Variants in MGLL observed in about 807,000 individuals in gnomAD.
MGLL encodes the protein lysophospholipase homolog.
Under a neutral mutation model 29.1 loss-of-function variants are expected in MGLL, and 7 were observed. The ratio of observed to expected loss-of-function variants is 0.24; its 90% CI spans 0.14 to 0.45. The LOEUF (loss-of-function observed/expected upper bound fraction) is 0.45. Ranked by LOEUF, MGLL falls within the 20% of genes least tolerant of loss-of-function variation. MGLL has a pLI of 0.99. For synonymous variants in MGLL, 148 were observed against 168.3 expected (o/e 0.88, Z 0.93); for missense variants, 356 against 413.6 (o/e 0.86, Z 1.21).
chr3:127,798,936 G>A (rs1319381142), intron 2 of MGLL, among the ~76,000 whole-genome samples: 2 of 152,164 alleles, frequency 1.3e-5, no homozygotes, highest in African/African-American at 4.8e-5. Context: ...GGAAGCTGAG[G>A]GCAGAGCAGG....
intron 3 of MGLL, among the ~76,000 whole-genome samples, chr3:127,779,163 C>T (rs1438584475): frequency 1.3e-5 from 2 of 148,698 alleles, no homozygotes; most frequent in Admixed American, 6.8e-5. Flanking sequence ...GTCAGGAGTT[C>T]GAGACCAGCC....
chr3:127,721,263 G>T, intron 4 of MGLL, 100 bp from the exon 5 acceptor site: 3 of 1,014,730 alleles, frequency 3.0e-6, no homozygotes, highest in Non-Finnish European at 4.6e-6. Context: ...TGCAGTCCTG[G>T]CCAAGAGCCC....
chr3:127,749,807 G>A (rs112378640), intron 3 of MGLL, among the ~76,000 whole-genome samples: 2 of 152,160 alleles, frequency 1.3e-5, no homozygotes, highest in Admixed American at 6.5e-5. Context: ...ATGCGAGGGG[G>A]TTTACTGTTT....
intron 2 of MGLL, among the ~76,000 whole-genome samples, chr3:127,790,006 C>T (rs949030426): frequency 6.6e-6 from 1 of 152,150 alleles, no homozygotes; most frequent in Non-Finnish European, 1.5e-5. Context: ...CTTGGTTACG[C>T]CAAGGTGGGT....
intron 5 of MGLL, among the ~76,000 whole-genome samples, chr3:127,718,108 G>A (rs1046935116): frequency 1.4e-4 from 21 of 151,872 alleles, no homozygotes; most frequent in African/African-American, 4.8e-4. Context: ...GAACCAGATG[G>A]TGGCGAGATT....
intron 3 of MGLL, among the ~76,000 whole-genome samples, chr3:127,762,948 C>G (rs1424193057): frequency 6.6e-6 from 1 of 152,152 alleles, no homozygotes; most frequent in Non-Finnish European, 1.5e-5. Context: ...GGGACTGGAA[C>G]CCAGTGTCAC....
At chr3:127,779,131 C>T (rs2077082994) in intron 3 of MGLL, among the ~76,000 whole-genome samples, 1 of 144,588 alleles carries the variant, frequency 6.9e-6, no homozygotes, top group Non-Finnish European at 1.6e-5. Flanking sequence ...TTTGGGAGGC[C>T]GAGGAGAGTG....
At chr3:127,717,759 T>C (rs532918245) in intron 5 of MGLL, among the ~76,000 whole-genome samples, 120 of 152,302 alleles carry the variant, frequency 7.9e-4, no homozygotes, top group African/African-American at 2.6e-3. Flanking sequence ...GGAGGGGCCC[T>C]GCAGCCTGCA....
intron 3 of MGLL, among the ~76,000 whole-genome samples, chr3:127,737,976 G>A (rs1385878265): frequency 6.6e-6 from 1 of 152,092 alleles, no homozygotes; most frequent in Non-Finnish European, 1.5e-5. Context: ...TATGGCACAT[G>A]GTAATATTAT....
intron 3 of MGLL, among the ~76,000 whole-genome samples, chr3:127,769,211 C>T (rs942383184): frequency 7.2e-5 from 11 of 152,134 alleles, no homozygotes; most frequent in Middle Eastern, 3.4e-3. Context: ...ATTAGCCAGG[C>T]GTGGTGGTGT....
intron 5 of MGLL, among the ~76,000 whole-genome samples, chr3:127,719,123 T>A (rs564559144): frequency 6.6e-6 from 1 of 152,234 alleles, no homozygotes; most frequent in Non-Finnish European, 1.5e-5. Flanking sequence ...CAAGGTGATC[T>A]ATTAGCACAA....
intron 2 of MGLL, among the ~76,000 whole-genome samples, chr3:127,784,424 T>C (rs2077179387): frequency 6.6e-6 from 1 of 152,170 alleles, no homozygotes; most frequent in African/African-American, 2.4e-5. Flanking sequence ...AACTTAAGTG[T>C]GGTGAGAATG....
intron 3 of MGLL, among the ~76,000 whole-genome samples, chr3:127,726,180 G>GA (rs1174122187): frequency 3.5e-4 from 18 of 51,386 alleles, no homozygotes; most frequent in African/African-American, 7.1e-4. Flanking sequence ...AAGAAAGAAA[G>GA]AAAGAAAAGA....
chr3:127,774,203 C>T (rs1029517319), intron 3 of MGLL, among the ~76,000 whole-genome samples: 2 of 152,224 alleles, frequency 1.3e-5, no homozygotes, highest in Non-Finnish European at 1.5e-5. Context: ...CCCTGCTAGC[C>T]CCTGCCCCCG....
At chr3:127,710,787 G>T in intron 5 of MGLL, 122 bp from the exon 6 acceptor site, 1 of 915,120 alleles carries the variant, frequency 1.1e-6, no homozygotes, top group Non-Finnish European at 1.7e-6. Context: ...AGCCAGGTTC[G>T]TCTCCCAAGC....
At chr3:127,715,970 G>A in intron 5 of MGLL, 1 of 380,030 alleles carries the variant, frequency 2.6e-6, no homozygotes, top group South Asian at 1.9e-5. Context: ...CAGCTCAGGA[G>A]AGAGGAGCCC....
rs540828167 is a variant in MGLL, at chr3:127,812,538, T to C, written c.155+9156A>G. 7.9e-5 allele frequency among the ~76,000 whole-genome samples: 12 copies of C among 152,344 alleles called. No individual in the cohort carries two copies. In the South Asian group the frequency reaches 2.5e-3, roughly 32 times the overall value. ...GGTGTGGTGAGGGCAGCAGTCAGGC[T>C]GGAATCTGTCAAAAGCATGATTGCT... On this transcript the variant is annotated intron_variant, in intron 2 of 7. Coordinates refer to ENST00000265052, the MANE Select transcript of MGLL (RefSeq NM_007283.7).
At chr3:127,760,183 T>C (rs2076738608) in intron 3 of MGLL, among the ~76,000 whole-genome samples, 1 of 152,052 alleles carries the variant, frequency 6.6e-6, no homozygotes, top group Non-Finnish European at 1.5e-5. Context: ...TTGTGTGGGG[T>C]CCTATGAGCT....
At chr3:127,720,162 T>G (rs1273552098) in intron 5 of MGLL, among the ~76,000 whole-genome samples, 3 of 152,212 alleles carry the variant, frequency 2.0e-5, no homozygotes, top group African/African-American at 7.2e-5. Context: ...AGCCTGTGGG[T>G]GACGGCTGCC....
Sources: gnomAD v4.1 joint callset for allele counts (sites outside exome capture counted in the v4.1 genomes callset) on GRCh38, gnomAD v4.1.1 for gene constraint, MANE v1.5 for transcripts, NCBI Gene and HGNC (gene_info 2026-07-23, HGNC 2026-07-21) for gene names.